YAE1: variants seen among roughly 807,000 people sequenced by gnomAD.
YAE1 encodes YAE1 maturation factor of ABCE1.
In YAE1, 22 loss-of-function variants were observed where a neutral mutation model predicts 23.0. The observed-to-expected ratio is 0.96, with a 90% CI of 0.68 to 1.37. The LOEUF (loss-of-function observed/expected upper bound fraction) is 1.37. YAE1 is among the 40% of genes most tolerant of loss of function. The pLI, the probability that YAE1 is intolerant of heterozygous loss-of-function variation, is 0.00. For missense variants in YAE1, 260 were observed against 262.1 expected, an observed-to-expected ratio of 0.99 and a Z score of 0.06; for synonymous variants, 101 against 97.0, an observed-to-expected ratio of 1.04 and a Z score of -0.24.
At chr7:39,574,196 T>C (rs1333389067), downstream of YAE1, among the ~76,000 whole-genome samples, 22 of 152,240 alleles carry the variant, frequency 1.4e-4, no homozygotes, top group Admixed American at 1.4e-3. Flanking sequence ...CACCATTGGC[T>C]ACATATGGTG....
chr7:39,588,719 A>G (rs1790858642), intron 2 of YAE1, among the ~76,000 whole-genome samples: 1 of 152,150 alleles, frequency 6.6e-6, no homozygotes, highest in South Asian at 2.1e-4. Context: ...AGATTAAGCA[A>G]AGCTTCCTGT....
chr7:39,588,201 C>T (rs193278713), intron 2 of YAE1, among the ~76,000 whole-genome samples: 19 of 152,304 alleles, frequency 1.2e-4, no homozygotes, highest in Admixed American at 1.1e-3. Flanking sequence ...GGCTTGAAAG[C>T]TTGACAAAGT....
At chr7:39,572,254 C>A in intron 2 of YAE1, 23 bp from the exon 3 acceptor site, 1 of 1,572,702 alleles carries the variant, frequency 6.4e-7, no homozygotes, top group Non-Finnish European at 8.6e-7. Context: ...TGCTATTTAA[C>A]CCTTGTTTAT....
downstream of YAE1, among the ~76,000 whole-genome samples, chr7:39,575,537 GGAGAGAGAGAGAGAGAGAGAGA>G (rs56954676): frequency 9.1e-5 from 12 of 131,284 alleles, no homozygotes; most frequent in African/African-American, 2.9e-4. Context: ...CTAAGATACA[GGAGAGAGAGAGAGAGAGAGAGA>G]GAGAGAGAGA....
At chr7:39,608,133 C>G (rs1791156879) in intron 2 of YAE1, among the ~76,000 whole-genome samples, 2 of 152,106 alleles carry the variant, frequency 1.3e-5, no homozygotes, top group South Asian at 2.1e-4. Flanking sequence ...ACTGAATAAC[C>G]CTGAAATCAA....
At chr7:39,601,488 G>A (rs1045058660) in intron 2 of YAE1, among the ~76,000 whole-genome samples, 8 of 152,084 alleles carry the variant, frequency 5.3e-5, no homozygotes, top group African/African-American at 1.7e-4. Flanking sequence ...GGCCGGGCAC[G>A]GTGGTTCACG....
chr7:39,569,549 G>T (rs1373145794), intron 1 of YAE1: 1 of 522,206 alleles, frequency 1.9e-6, no homozygotes, highest in East Asian at 4.6e-5. Flanking sequence ...TTTTTGAAGG[G>T]TATGGCTGTG....
chr7:39,609,927 A>G, exon 3 of YAE1: 2 of 1,526,850 alleles, frequency 1.3e-6, no homozygotes, highest in Non-Finnish European at 1.8e-6. Flanking sequence ...GGCACCTTCC[A>G]ACTCCGAAAC....
At chr7:39,570,206 G>A (rs2288743) in intron 1 of YAE1, 215,764 of 635,506 alleles carry the variant, frequency 0.34, 38,300 homozygotes, top group Admixed American at 0.38. Flanking sequence ...CATGTCTGCC[G>A]CTTGCCCACC....
At chr7:39,611,042 G>A (rs1264549779), downstream of YAE1, among the ~76,000 whole-genome samples, 1 of 152,090 alleles carries the variant, frequency 6.6e-6, no homozygotes, top group Non-Finnish European at 1.5e-5. Context: ...CAGCTTCTCG[G>A]GAGGCTGAGG....
chr7:39,579,192 C>T (rs753729336), intron 2 of YAE1, among the ~76,000 whole-genome samples: 2 of 152,160 alleles, frequency 1.3e-5, no homozygotes, highest in South Asian at 4.1e-4. Flanking sequence ...TCCTGCAGAG[C>T]TGCTTTTATG....
intron 2 of YAE1, among the ~76,000 whole-genome samples, chr7:39,590,001 T>G (rs910021567): frequency 2.0e-5 from 3 of 152,120 alleles, no homozygotes; most frequent in African/African-American, 7.2e-5. Context: ...CATAATAAAA[T>G]ATGTACGTGT....
chr7:39,573,572 C>G (rs1445493089), downstream of YAE1, among the ~76,000 whole-genome samples: 1 of 152,064 alleles, frequency 6.6e-6, no homozygotes, highest in Non-Finnish European at 1.5e-5. Context: ...TCACCTGAAA[C>G]ACAAGTTTAT....
At chr7:39,570,288 G>A (rs557993561) in intron 1 of YAE1, 12 of 664,686 alleles carry the variant, frequency 1.8e-5, no homozygotes, top group East Asian at 1.4e-4. Context: ...AAAATTGCCC[G>A]GTAACTCTAG....
intron 2 of YAE1, 49 bp downstream of exon 2, chr7:39,570,676 G>A (rs749685641): frequency 5.8e-6 from 9 of 1,544,434 alleles, no homozygotes; most frequent in African/African-American, 1.4e-5. Context: ...CAATACTACT[G>A]GAGGATGTTT....
At chr7:39,574,322 G>C (rs1372082091), downstream of YAE1, among the ~76,000 whole-genome samples, 3 of 152,174 alleles carry the variant, frequency 2.0e-5, no homozygotes, top group Admixed American at 6.5e-5. Context: ...AAGGGGCCAG[G>C]CACAGTGGCT....
chr7:39,582,124 T>C (rs1020169202), intron 2 of YAE1, among the ~76,000 whole-genome samples: 2 of 151,904 alleles, frequency 1.3e-5, no homozygotes, highest in Admixed American at 6.5e-5. Flanking sequence ...ATTAGTACTT[T>C]GGTGATATTC....
At chr7:39,606,229 A>G (rs1225141721) in intron 2 of YAE1, among the ~76,000 whole-genome samples, 1 of 152,218 alleles carries the variant, frequency 6.6e-6, no homozygotes, top group Non-Finnish European at 1.5e-5. Context: ...AGTAGAATAG[A>G]AGGAACAGAG....
Position 39,572,421 on chromosome 7 carries a change from T to C in YAE1, c.396T>C (p.Asp132=), listed in dbSNP as rs1790585369. Residue 132 remains aspartate, a synonymous_variant, in exon 3 of 3, where the codon GAT becomes GAC. Coordinates refer to ENST00000223273, the MANE Select transcript of YAE1 (RefSeq NM_020192.5). The stretch of plus-strand genomic sequence containing the variant: ...TCACTCCACCGTCCCATGTTGTAGA[T>C]TTATTGGACTCCATTGAGGATATGG... ...KSITPPSHVV[D]LLDSIEDMDL... is the part of the protein sequence containing the mutation. The C allele has an allele frequency of 6.2e-7, 1 of 1,614,156 alleles. No homozygotes were observed. Among genetic ancestry groups the C allele is most frequent in the Middle Eastern group, 1.6e-4 (1 of 6,062 alleles).
Sources: allele counts gnomAD v4.1 joint callset (sites outside exome capture counted in the v4.1 genomes callset), GRCh38; gene constraint gnomAD v4.1.1; transcripts MANE v1.5; gene names NCBI Gene and HGNC (gene_info 2026-07-23, HGNC 2026-07-21).